The following AFF3 variants were observed in gnomAD, a reference collection of about 807,000 sequenced individuals.
AFF3 encodes the protein ALF transcription elongation factor 3.
AFF3 carries 32 observed loss-of-function variants against 129.7 expected under a neutral mutation model. The observed-to-expected ratio is 0.25, with a 90% confidence interval of 0.19 to 0.33. The LOEUF (loss-of-function observed/expected upper bound fraction) is 0.33. Among genes scored for constraint, AFF3 ranks in the 10% least tolerant of loss-of-function variants. AFF3 has a pLI of 1.00. For missense variants in AFF3, 1,373 were observed against 1,592.0 expected, an observed-to-expected ratio of 0.86 and a Z score of 2.34; for synonymous variants, 644 against 635.4, an observed-to-expected ratio of 1.01 and a Z score of -0.20.
chr2:100,111,689 G>C (rs779054152), intron 2 of AFF3, among the ~76,000 whole-genome samples: 5 of 152,310 alleles, frequency 3.3e-5, no homozygotes, highest in Non-Finnish European at 7.3e-5. Flanking sequence ...AATTATCACT[G>C]TATGAAGCTG....
At chr2:99,635,751 G>C (rs970607077) in intron 13 of AFF3, among the ~76,000 whole-genome samples, 8 of 152,164 alleles carry the variant, frequency 5.3e-5, no homozygotes, top group African/African-American at 1.9e-4. Flanking sequence ...CCTTGGGCAA[G>C]TGGCTCCATC....
In AFF3 at chr2:100,008,868, G is replaced by T; in HGVS notation, c.118C>A (p.Gln40Lys). The T allele has an allele frequency of 6.2e-7, 1 of 1,613,962 alleles. No homozygotes were observed. The highest frequency in any genetic ancestry group is 1.3e-5 in the African/African-American group (1 of 75,048). Residue 40 changes from glutamine to lysine, a missense_variant, in exon 5 of 25, where the codon CAA (glutamine) becomes AAA (lysine). Gln to Lys is a moderately conservative substitution (Grantham distance 53, BLOSUM62 1). Transcript: ENST00000672756. ...GAATTAAACGTGCCATCATCCTGTT[G>T]AGTTTCTTGATTTCTTCTTTCTCGT... is the stretch of plus-strand genomic sequence containing the variant. ...KERERRNQET[Q>K]QDDGTFNSSY...
chr2:99,674,393 G>A (rs1016152589), intron 11 of AFF3, among the ~76,000 whole-genome samples: 15 of 152,162 alleles, frequency 9.9e-5, no homozygotes, highest in African/African-American at 1.9e-4. Context: ...AGCACAGTGC[G>A]GCACAGAACA....
intron 4 of AFF3, among the ~76,000 whole-genome samples, chr2:100,026,286 CAT>C (rs1313121545): frequency 1.3e-5 from 2 of 152,154 alleles, no homozygotes; most frequent in African/African-American, 4.8e-5. Flanking sequence ...GGCCAACAAA[CAT>C]ATGAAAAAAT....
chr2:100,050,205 A>G (rs568527342), intron 4 of AFF3, among the ~76,000 whole-genome samples: 13 of 150,680 alleles, frequency 8.6e-5, no homozygotes, highest in Admixed American at 2.6e-4. Flanking sequence ...CTCGGGGGGG[A>G]AAAAAAGGCA....
chr2:100,129,293 A>G lies in AFF3; in HGVS notation c.-214T>C, dbSNP rs1559138438. On this transcript the variant is annotated 5_prime_UTR_variant, in exon 2 of 25. Transcript: ENST00000672756. ...TGGCTGATCGTAAGGTCTAAATCAT[A>G]TGTGTGAAACTTTCTGCAAAACAAA... The G allele has an allele frequency of 6.6e-6, 1 of 152,068 alleles. No individual in the cohort carries two copies. The highest frequency in any genetic ancestry group is 1.5e-5 in the Non-Finnish European group (1 of 68,038). The allele number at this position is 152,068 out of a possible 1,614,324, so 9.4% of individuals were successfully genotyped here.
intron 7 of AFF3, among the ~76,000 whole-genome samples, chr2:99,980,443 G>A (rs1379796499): frequency 1.3e-5 from 2 of 152,198 alleles, no homozygotes; most frequent in Non-Finnish European, 2.9e-5. Flanking sequence ...ATGAAGAAAG[G>A]CAATGATTTC....
chr2:99,787,901 A>G (rs552278197), intron 8 of AFF3, among the ~76,000 whole-genome samples: 1 of 152,306 alleles, frequency 6.6e-6, no homozygotes, highest in South Asian at 2.1e-4. Context: ...CATATATGAA[A>G]TCAGATAATG....
rs754840435 is a variant in AFF3 at position 100,006,605 on chromosome 2, A to AAC, written c.873+26_873+27insGT. 5 of 1,578,028 alleles carry AAC rather than the reference A, an allele frequency of 3.2e-6. No homozygotes were observed. In the South Asian group the frequency reaches 4.5e-5, roughly 14 times the overall value. The stretch of plus-strand genomic sequence containing the variant: ...TTGTCACTTGTAACTATGCAGTTGC[A>AAC]TGTGAACGGTGCTGATAAAGACTCA... On this transcript the variant is annotated intron_variant, in intron 7 of 24. Coordinates refer to ENST00000672756, the MANE Select transcript of AFF3 (RefSeq NM_001386135.1).
chr2:99,819,613 T>A (rs960893870), intron 8 of AFF3, among the ~76,000 whole-genome samples: 2 of 152,234 alleles, frequency 1.3e-5, no homozygotes, highest in Admixed American at 6.5e-5. Context: ...ATTCACAAAT[T>A]TATCCAGCAA....
intron 8 of AFF3, among the ~76,000 whole-genome samples, chr2:99,804,592 T>C (rs570380688): frequency 4.7e-4 from 72 of 152,236 alleles, no homozygotes; most frequent in African/African-American, 1.7e-3. Flanking sequence ...AGGGTATCTA[T>C]CCAAAGGAAA....
intron 11 of AFF3, among the ~76,000 whole-genome samples, chr2:99,698,148 C>T (rs1676484555): frequency 6.6e-6 from 1 of 152,204 alleles, no homozygotes; most frequent in African/African-American, 2.4e-5. Context: ...AGCATGAAAA[C>T]CCTAATCTAA....
chr2:100,003,483 G>T (rs1025869303), intron 7 of AFF3, among the ~76,000 whole-genome samples: 1 of 152,168 alleles, frequency 6.6e-6, no homozygotes, highest in Admixed American at 6.5e-5. Flanking sequence ...CACTTAATGA[G>T]GAGTGGTGTT....
chr2:99,622,040 T>C (rs1212256358), intron 13 of AFF3, among the ~76,000 whole-genome samples: 1 of 152,204 alleles, frequency 6.6e-6, no homozygotes, highest in Non-Finnish European at 1.5e-5. Flanking sequence ...CCTGGTTTCC[T>C]ATAGGGTGTG....
chr2:99,765,694 G>C (rs1314797621), intron 8 of AFF3, among the ~76,000 whole-genome samples: 4 of 152,182 alleles, frequency 2.6e-5, no homozygotes, highest in South Asian at 2.1e-4. Flanking sequence ...AGTGTTGACA[G>C]CTTCTGGATT....
chr2:99,814,080 G>C (rs1182931718), intron 8 of AFF3, among the ~76,000 whole-genome samples: 1 of 152,150 alleles, frequency 6.6e-6, no homozygotes, highest in Non-Finnish European at 1.5e-5. Flanking sequence ...GGTCTACAAG[G>C]GTTGAAGCTG....
At chr2:100,002,602 T>C (rs930064640) in intron 7 of AFF3, among the ~76,000 whole-genome samples, 4 of 152,206 alleles carry the variant, frequency 2.6e-5, no homozygotes, top group Non-Finnish European at 5.9e-5. Context: ...CCACAGTCTA[T>C]TGATTGATAT....
At chr2:100,005,142 G>A (rs1043843467) in intron 7 of AFF3, among the ~76,000 whole-genome samples, 3 of 151,980 alleles carry the variant, frequency 2.0e-5, no homozygotes, top group Non-Finnish European at 2.9e-5. Flanking sequence ...GTCCTCAAAG[G>A]GCATCCTGAA....
intron 8 of AFF3, among the ~76,000 whole-genome samples, chr2:99,788,120 T>A (rs1182189945): frequency 1.3e-5 from 2 of 152,146 alleles, no homozygotes; most frequent in South Asian, 4.1e-4. Flanking sequence ...GTATGGCACA[T>A]ACAAAATTAT....
Sources: allele counts gnomAD v4.1 joint callset (sites outside exome capture counted in the v4.1 genomes callset), GRCh38; gene constraint gnomAD v4.1.1; transcripts MANE v1.5; gene names NCBI Gene and HGNC (gene_info 2026-07-23, HGNC 2026-07-21).